Variants in COL24A1 observed in about 807,000 individuals in gnomAD.
The protein encoded by COL24A1 is collagen alpha-1(XXIV) chain.
A neutral mutation model predicts 253.9 loss-of-function variants in COL24A1; 224 were observed. The observed-to-expected ratio is 0.88, with a 90% CI of 0.79 to 0.99. COL24A1 has a LOEUF of 0.99. Ranked by LOEUF, COL24A1 falls within the 50% of genes least tolerant of loss-of-function variation. COL24A1 has a pLI of 0.00. For missense variants in COL24A1, 2,131 were observed against 2,068.5 expected, an observed-to-expected ratio of 1.03 and a Z score of -0.59; for synonymous variants, 685 against 673.7, an observed-to-expected ratio of 1.02 and a Z score of -0.26.
At chr1:85,898,702 G>A (rs1684003041) in intron 28 of COL24A1, among the ~76,000 whole-genome samples, 1 of 152,090 alleles carries the variant, frequency 6.6e-6, no homozygotes, top group South Asian at 2.1e-4. Context: ...AGGTCCAGAG[G>A]ACATGGTAGA....
chr1:86,050,030 A>T (rs1460880643), intron 11 of COL24A1, 94 bp downstream of exon 11: 5 of 1,059,062 alleles, frequency 4.7e-6, no homozygotes, highest in Non-Finnish European at 6.8e-6. Flanking sequence ...TAACTCAGTA[A>T]GATTACTTCC....
At chr1:85,831,068 G>A (rs567154315) in intron 43 of COL24A1, among the ~76,000 whole-genome samples, 3 of 152,238 alleles carry the variant, frequency 2.0e-5, no homozygotes, top group South Asian at 4.1e-4. Flanking sequence ...TTAAGGAAGT[G>A]AAGAGTGGCA....
chr1:85,873,132 G>T (rs911520700), intron 35 of COL24A1, among the ~76,000 whole-genome samples: 2 of 152,194 alleles, frequency 1.3e-5, no homozygotes, highest in East Asian at 1.9e-4. Context: ...AAACCACAAT[G>T]AGATACCATC....
At chr1:85,846,914 G>T (rs1041506720) in intron 39 of COL24A1, among the ~76,000 whole-genome samples, 1 of 151,986 alleles carries the variant, frequency 6.6e-6, no homozygotes, top group African/African-American at 2.4e-5. Flanking sequence ...ACAACAAATG[G>T]ATTATGCAAT....
At chr1:85,829,086 G>A (rs1046683635) in intron 43 of COL24A1, among the ~76,000 whole-genome samples, 21 of 151,096 alleles carry the variant, frequency 1.4e-4, no homozygotes, top group African/African-American at 4.1e-4. Flanking sequence ...CATGTTTAGC[G>A]CTTCCTTCAG....
At chr1:85,902,932 G>C (rs1300598139) in intron 28 of COL24A1, among the ~76,000 whole-genome samples, 2 of 152,048 alleles carry the variant, frequency 1.3e-5, no homozygotes, top group Non-Finnish European at 2.9e-5. Flanking sequence ...ACATAGAAAT[G>C]ATAAATGCTA....
At chr1:85,796,556 C>A (rs1351613068) in intron 47 of COL24A1, among the ~76,000 whole-genome samples, 1 of 152,122 alleles carries the variant, frequency 6.6e-6, no homozygotes, top group Non-Finnish European at 1.5e-5. Flanking sequence ...ATTTGATTCT[C>A]CCACAACCCT....
intron 31 of COL24A1, among the ~76,000 whole-genome samples, chr1:85,894,174 T>C (rs1258808192): frequency 1.8e-4 from 27 of 152,202 alleles, no homozygotes; most frequent in Admixed American, 1.8e-3. Flanking sequence ...AATCCCATCA[T>C]GTCAATCCAA....
intron 24 of COL24A1, among the ~76,000 whole-genome samples, chr1:85,944,487 C>T (rs1245692176): frequency 6.6e-6 from 1 of 151,998 alleles, no homozygotes. Context: ...TTAAATTATT[C>T]TTTCCAGAAT....
intron 14 of COL24A1, among the ~76,000 whole-genome samples, chr1:86,028,259 T>A (rs189671336): frequency 6.6e-6 from 1 of 152,182 alleles, no homozygotes; most frequent in African/African-American, 2.4e-5. Flanking sequence ...TGTTTTGAAA[T>A]GTGAGGACAT....
At chr1:86,003,140 G>A (rs1330747490) in intron 19 of COL24A1, among the ~76,000 whole-genome samples, 1 of 152,140 alleles carries the variant, frequency 6.6e-6, no homozygotes, top group African/African-American at 2.4e-5. Flanking sequence ...CTGGAGTAAG[G>A]CCATGTCATC....
intron 31 of COL24A1, 50 bp from the exon 32 acceptor site, chr1:85,889,663 T>C: frequency 2.0e-6 from 3 of 1,503,710 alleles, no homozygotes; most frequent in Non-Finnish European, 2.8e-6. Flanking sequence ...GTGAAGATGT[T>C]TTAGACACTT....
At chr1:86,132,159 T>A (rs7527804) in intron 2 of COL24A1, among the ~76,000 whole-genome samples, 21 of 152,326 alleles carry the variant, frequency 1.4e-4, no homozygotes, top group Non-Finnish European at 2.6e-4. Flanking sequence ...TGCATAAATG[T>A]CTTATTTTGA....
At chr1:86,143,601 T>A (rs1468696275) in intron 2 of COL24A1, among the ~76,000 whole-genome samples, 1 of 152,050 alleles carries the variant, frequency 6.6e-6, no homozygotes, top group Non-Finnish European at 1.5e-5. Context: ...TAATGTTAAG[T>A]CCTCATCATT....
chr1:85,912,339 G>GAAAGC (rs1273591652), intron 24 of COL24A1, among the ~76,000 whole-genome samples: 20 of 146,362 alleles, frequency 1.4e-4, no homozygotes, highest in Non-Finnish European at 2.6e-4. Flanking sequence ...AAACAGTACA[G>GAAAGC]AAAGCAAAAA....
chr1:85,955,358 A>T (rs1334726414), intron 24 of COL24A1, among the ~76,000 whole-genome samples: 1 of 152,068 alleles, frequency 6.6e-6, no homozygotes, highest in Non-Finnish European at 1.5e-5. Context: ...ATGTGATCTG[A>T]TTTTTCCAGG....
At chr1:85,836,162 GT>G (rs1166916708) in intron 43 of COL24A1, among the ~76,000 whole-genome samples, 1 of 152,148 alleles carries the variant, frequency 6.6e-6, no homozygotes, top group East Asian at 1.9e-4. Flanking sequence ...AGGTTTAACT[GT>G]TTCTTTGGAG....
intron 1 of COL24A1, among the ~76,000 whole-genome samples, chr1:86,152,262 T>C (rs1652879721): frequency 6.6e-6 from 1 of 152,040 alleles, no homozygotes; most frequent in African/African-American, 2.4e-5. Context: ...ACCCCCAATC[T>C]AAAAATCCAA....
chr1:85,975,460 C>A (rs533090), intron 20 of COL24A1, among the ~76,000 whole-genome samples: 111,550 of 152,094 alleles, frequency 0.73, 41,463 homozygotes, highest in African/African-American at 0.83. Flanking sequence ...CTATATTTGC[C>A]ACAACAAGGC....
Sources: allele counts gnomAD v4.1 joint callset (sites outside exome capture counted in the v4.1 genomes callset), GRCh38; gene constraint gnomAD v4.1.1; transcripts MANE v1.5; gene names NCBI Gene and HGNC (gene_info 2026-07-23, HGNC 2026-07-21).